The following MTOR variants were observed in gnomAD, a reference collection of about 807,000 sequenced individuals.
The protein encoded by MTOR is serine/threonine-protein kinase mTOR.
A neutral mutation model predicts 319.8 loss-of-function variants in MTOR; 70 were observed. The ratio of observed to expected loss-of-function variants is 0.22; its 90% CI spans 0.18 to 0.27. MTOR has a LOEUF of 0.27. MTOR is among the 10% of genes least tolerant of loss of function. MTOR has a pLI of 1.00. For synonymous variants in MTOR, 1,183 were observed against 1,211.4 expected (o/e 0.98, Z 0.49); for missense variants, 1,890 against 3,274.4 (o/e 0.58, Z 10.32).
At chr1:11,234,978 C>T (rs1647149631) in intron 13 of MTOR, among the ~76,000 whole-genome samples, 1 of 152,180 alleles carries the variant, frequency 6.6e-6, no homozygotes, top group Non-Finnish European at 1.5e-5. Flanking sequence ...GCAGATGTCA[C>T]AGAGCTCAGG....
chr1:11,139,489 C>G (rs371124552), intron 35 of MTOR, 44 bp downstream of exon 35: 102 of 1,613,982 alleles, frequency 6.3e-5, no homozygotes, highest in Non-Finnish European at 7.5e-5. Flanking sequence ...CCAGGGACAC[C>G]ATGGGGCCCT....
At chr1:11,170,270 G>C (rs1481376501) in intron 28 of MTOR, among the ~76,000 whole-genome samples, 2 of 152,214 alleles carry the variant, frequency 1.3e-5, no homozygotes, top group African/African-American at 4.8e-5. Context: ...AGTTCCCAAT[G>C]CCACTTGGCC....
In MTOR at chr1:11,240,377, G is replaced by A. The variant is rs749766561; in HGVS notation, c.1712C>T (p.Thr571Met). 10 of 1,613,980 alleles carry A rather than the reference G, an allele frequency of 6.2e-6. No individual in the cohort carries two copies. The highest frequency in any genetic ancestry group is 6.8e-6 in the Non-Finnish European group (8 of 1,179,904). ...LAHQLASPGLTTLPEASDVGS... is the reference protein window; with the variant it reads ...LAHQLASPGLMTLPEASDVGS... ...CACATCGCTGGCCTCAGGGAGGGTC[G>A]TGAGGCCAGGAGAGGCCAGCTGATG... The change falls in exon 11 of 58, where the codon ACG (threonine) becomes ATG (methionine). Residue 571 changes from threonine to methionine, a missense_variant. Transcript: ENST00000361445.
intron 5 of MTOR, 142 bp from the exon 6 acceptor site, chr1:11,254,115 G>T (rs1650050907): frequency 3.3e-6 from 3 of 921,886 alleles, no homozygotes; most frequent in African/African-American, 3.3e-5. Flanking sequence ...AAAACTAACT[G>T]ATCAATCTCT....
chr1:11,116,463 T>C (rs757579613), intron 50 of MTOR, among the ~76,000 whole-genome samples: 3 of 151,978 alleles, frequency 2.0e-5, no homozygotes, highest in Non-Finnish European at 4.4e-5. Context: ...TACAGGTGTA[T>C]GCCACCATGC....
intron 20 of MTOR, among the ~76,000 whole-genome samples, chr1:11,215,315 T>A (rs1469275668): frequency 1.3e-5 from 2 of 152,190 alleles, no homozygotes; most frequent in African/African-American, 4.8e-5. Context: ...GCTTCTGTGG[T>A]AAGAGTCAGG....
At chr1:11,134,248 C>T in intron 37 of MTOR, 103 bp downstream of exon 37, 1 of 947,974 alleles carries the variant, frequency 1.1e-6, no homozygotes, top group East Asian at 2.5e-5. Context: ...AGAGAGATGT[C>T]AGCAATCAGC....
chr1:11,234,364 C>A, intron 13 of MTOR, 99 bp from the exon 14 acceptor site: 1 of 1,389,976 alleles, frequency 7.2e-7, no homozygotes, highest in East Asian at 2.3e-5. Flanking sequence ...GGGGAAAAAC[C>A]CAGACCTCCA....
intron 29 of MTOR, among the ~76,000 whole-genome samples, chr1:11,163,670 C>A (rs544501520): frequency 1.4e-3 from 215 of 152,286 alleles, no homozygotes; most frequent in Non-Finnish European, 2.2e-3. Context: ...GAACAACCTG[C>A]TCCTGAATGA....
chr1:11,127,054 G>A lies in MTOR; in HGVS notation c.6307C>T (p.Leu2103Phe), dbSNP rs745905336. The change falls in exon 45 of 58, where the codon CTC (leucine) becomes TTC (phenylalanine). Residue 2103 changes from leucine (L) to phenylalanine (F), a missense_variant. Coordinates refer to ENST00000361445, the MANE Select transcript of MTOR (RefSeq NM_004958.4). The surrounding 1 kb of genome is among the most constrained non-coding windows in gnomAD (Gnocchi z 5.5). ...ATTCGTCGGAACACATGATAATAGA[G>A]GTCCCAGGCTTGGGTGAGGTCCTTG... is the stretch of plus-strand genomic sequence containing the variant. Reference protein sequence around the residue: ...NVKDLTQAWDLYYHVFRRISK... With the variant: ...NVKDLTQAWDFYYHVFRRISK... The A allele has an allele frequency of 6.2e-7, 1 of 1,614,172 alleles. No homozygotes were observed. The highest frequency in any genetic ancestry group is 8.5e-7 in the Non-Finnish European group (1 of 1,180,032).
chr1:11,261,087 C>T (rs1368855524), intron 1 of MTOR, among the ~76,000 whole-genome samples: 1 of 151,892 alleles, frequency 6.6e-6, no homozygotes, highest in South Asian at 2.1e-4. Context: ...CCACCATGCC[C>T]GGCCTGGACT....
chr1:11,107,808 T>C (rs1641651178), intron 57 of MTOR, among the ~76,000 whole-genome samples: 1 of 152,182 alleles, frequency 6.6e-6, no homozygotes, highest in Non-Finnish European at 1.5e-5. Flanking sequence ...AAATCTGTCT[T>C]TTTATCTCCT....
intron 28 of MTOR, among the ~76,000 whole-genome samples, chr1:11,183,108 C>A (rs1215790797): frequency 6.6e-6 from 1 of 152,220 alleles, no homozygotes; most frequent in South Asian, 2.1e-4. Flanking sequence ...AATTGCTTCA[C>A]AATCTCTGTC....
intron 28 of MTOR, among the ~76,000 whole-genome samples, chr1:11,169,405 A>G (rs1015966547): frequency 2.0e-5 from 3 of 152,160 alleles, no homozygotes; most frequent in Non-Finnish European, 2.9e-5. Context: ...AGGAATCAGG[A>G]AAGTCCCCAC....
At chr1:11,259,503 C>A in intron 1 of MTOR, 80 bp from the exon 2 acceptor site, 1 of 1,436,498 alleles carries the variant, frequency 7.0e-7, no homozygotes, top group Non-Finnish European at 9.3e-7. Flanking sequence ...TCACCCAACA[C>A]AGATCTCCCC....
chr1:11,235,347 G>C (rs748175759), intron 13 of MTOR, among the ~76,000 whole-genome samples: 2 of 152,116 alleles, frequency 1.3e-5, no homozygotes, highest in Admixed American at 1.3e-4. Flanking sequence ...GGCCAGGCAC[G>C]GTGGCTCATG....
rs1193900147 is a variant in MTOR, at chr1:11,157,138, T to G, written c.4469+14A>C. ...CTCTTGCAGCCACACATGCCATCAT[T>G]CTAGGAAGCTCACCATTCCCCCAAG... On this transcript the variant is annotated intron_variant, in intron 30 of 57. Coordinates refer to ENST00000361445, the MANE Select transcript of MTOR (RefSeq NM_004958.4). The G allele has an allele frequency of 6.3e-6, 10 of 1,590,368 alleles. No homozygotes were observed. In the Admixed American group the frequency reaches 1.6e-4, roughly 26 times the overall value.
intron 9 of MTOR, among the ~76,000 whole-genome samples, 180 bp downstream of exon 9, chr1:11,242,934 T>C (rs935606081): frequency 6.6e-6 from 1 of 152,244 alleles, no homozygotes; most frequent in Admixed American, 6.5e-5. Context: ...ATTTCATATA[T>C]GTTATTTCAT....
chr1:11,181,490 A>T (rs1259143693), intron 28 of MTOR, among the ~76,000 whole-genome samples: 1 of 152,062 alleles, frequency 6.6e-6, no homozygotes, highest in Non-Finnish European at 1.5e-5. Context: ...CCACCACTAC[A>T]CTCAAGCCTG....
Sources: allele counts gnomAD v4.1 joint callset (sites outside exome capture counted in the v4.1 genomes callset), GRCh38; gene constraint gnomAD v4.1.1; non-coding constraint Gnocchi (gnomAD v3.1); transcripts MANE v1.5; gene names NCBI Gene and HGNC (gene_info 2026-07-23, HGNC 2026-07-21).